DLGAP1: variants seen among roughly 807,000 people sequenced by gnomAD.
DLGAP1 encodes DLG associated protein 1.
In DLGAP1, 11 loss-of-function variants were observed where a neutral mutation model predicts 90.8. The ratio of observed to expected loss-of-function variants is 0.12; its 90% CI spans 0.08 to 0.20. The LOEUF is 0.20. Ranked by LOEUF, DLGAP1 falls within the 10% of genes least tolerant of loss-of-function variation. DLGAP1 has a pLI of 1.00. For synonymous variants in DLGAP1, 558 were observed against 540.7 expected (o/e 1.03, Z -0.44); for missense variants, 1,050 against 1,333.8 (o/e 0.79, Z 3.31).
At chr18:4,252,777 C>T (rs1352948849) in intron 1 of DLGAP1, among the ~76,000 whole-genome samples, 2 of 152,158 alleles carry the variant, frequency 1.3e-5, no homozygotes, top group Non-Finnish European at 1.5e-5. Context: ...GAGAACATTG[C>T]CCCAGATGTC....
At chr18:3,792,385 G>C (rs1360902908) in intron 5 of DLGAP1, among the ~76,000 whole-genome samples, 1 of 151,980 alleles carries the variant, frequency 6.6e-6, no homozygotes, top group Non-Finnish European at 1.5e-5. Flanking sequence ...GGGAGGCTGG[G>C]GCAGGAGAAC....
At chr18:4,085,993 C>T (rs1392096501) in intron 2 of DLGAP1, among the ~76,000 whole-genome samples, 1 of 152,086 alleles carries the variant, frequency 6.6e-6, no homozygotes, top group Non-Finnish European at 1.5e-5. Context: ...TAAATAAGAC[C>T]TAAACTGGGC....
intron 7 of DLGAP1, among the ~76,000 whole-genome samples, chr18:3,708,061 A>T (rs1248682251): frequency 2.7e-5 from 4 of 150,068 alleles, no homozygotes; most frequent in Admixed American, 2.7e-4. Context: ...GCTGGAGTGC[A>T]GTGGCGTGAC....
Position 4,452,308 on chromosome 18 carries a change from C to A in DLGAP1, c.-267+2698G>T, listed in dbSNP as rs565780409. Among the ~76,000 whole-genome samples the A allele has an allele frequency of 3.7e-3, 568 of 152,156 alleles. 3 individuals carry two copies. The highest frequency in any genetic ancestry group is 0.01 in the African/African-American group (416 of 41,540). The stretch of plus-strand genomic sequence containing the variant: ...ATATTACGAGATCAGAATCAAAACA[C>A]TGAATTCTTTGTTTCTGAAAGAGTT... On this transcript the variant is annotated intron_variant, in intron 1 of 12. Coordinates refer to ENST00000315677, the MANE Select transcript of DLGAP1 (RefSeq NM_004746.4).
intron 2 of DLGAP1, among the ~76,000 whole-genome samples, chr18:4,044,970 T>C (rs567369923): frequency 6.6e-6 from 1 of 152,154 alleles, no homozygotes; most frequent in African/African-American, 2.4e-5. Flanking sequence ...CCTCTTCCCA[T>C]AGAGGAAACA....
intron 2 of DLGAP1, among the ~76,000 whole-genome samples, chr18:4,150,123 T>C (rs2076650331): frequency 1.3e-5 from 2 of 152,226 alleles, no homozygotes; most frequent in Admixed American, 1.3e-4. Context: ...CTTCCCTGAT[T>C]CACTCTTCCT....
chr18:3,865,526 G>A (rs377583841), intron 4 of DLGAP1, among the ~76,000 whole-genome samples: 6 of 152,260 alleles, frequency 3.9e-5, no homozygotes, highest in African/African-American at 1.4e-4. Context: ...AATCATAGAA[G>A]TAGAACCTGT....
At chr18:3,875,792 C>T (rs2148817032) in intron 4 of DLGAP1, among the ~76,000 whole-genome samples, 1 of 152,208 alleles carries the variant, frequency 6.6e-6, no homozygotes, top group East Asian at 1.9e-4. Context: ...TTTGAAAATG[C>T]ATACTGAGAT....
At chr18:3,738,719 G>A (rs1231038916) in intron 6 of DLGAP1, among the ~76,000 whole-genome samples, 2 of 149,816 alleles carry the variant, frequency 1.3e-5, no homozygotes, top group Non-Finnish European at 3.0e-5. Context: ...GCATGGGCAA[G>A]GACTTCATGT....
At chr18:4,276,035 T>C (rs1424559552) in intron 1 of DLGAP1, among the ~76,000 whole-genome samples, 3 of 151,160 alleles carry the variant, frequency 2.0e-5, no homozygotes, top group Non-Finnish European at 4.4e-5. Flanking sequence ...GAGAGGACTA[T>C]ATGGGGTAGC....
chr18:4,296,173 T>A (rs1175000494), intron 1 of DLGAP1, among the ~76,000 whole-genome samples: 3 of 152,198 alleles, frequency 2.0e-5, no homozygotes, highest in African/African-American at 7.2e-5. Flanking sequence ...GTCTTAATTT[T>A]GTTAGAACTT....
At chr18:4,392,489 A>G (rs2082359140) in intron 1 of DLGAP1, among the ~76,000 whole-genome samples, 1 of 152,018 alleles carries the variant, frequency 6.6e-6, no homozygotes, top group Non-Finnish European at 1.5e-5. Context: ...ATGCTCCAAG[A>G]AAAAAAAGGA....
chr18:3,506,202 C>G (rs1395322421), intron 11 of DLGAP1, among the ~76,000 whole-genome samples: 3 of 151,440 alleles, frequency 2.0e-5, no homozygotes, highest in Non-Finnish European at 2.9e-5. Flanking sequence ...ACGCCACTGC[C>G]CTCCAGCCTG....
At chr18:3,647,689 C>T (rs2059170066) in intron 7 of DLGAP1, among the ~76,000 whole-genome samples, 1 of 152,016 alleles carries the variant, frequency 6.6e-6, no homozygotes, top group African/African-American at 2.4e-5. Context: ...TGGTCTCAAA[C>T]TCCTGACCTC....
intron 9 of DLGAP1, among the ~76,000 whole-genome samples, chr18:3,551,960 GTT>G (rs60343720): frequency 1.4e-5 from 2 of 142,890 alleles, no homozygotes; most frequent in Admixed American, 7.1e-5. Flanking sequence ...TTTTTAAATT[GTT>G]TTTTTTTTTC....
At chr18:4,407,731 A>C (rs1287203647) in intron 1 of DLGAP1, among the ~76,000 whole-genome samples, 1 of 152,020 alleles carries the variant, frequency 6.6e-6, no homozygotes, top group Non-Finnish European at 1.5e-5. Flanking sequence ...ACACACAAAA[A>C]AATTAGCTGG....
chr18:3,950,999 C>A (rs1295571417), intron 3 of DLGAP1, among the ~76,000 whole-genome samples: 1 of 152,170 alleles, frequency 6.6e-6, no homozygotes, highest in Non-Finnish European at 1.5e-5. Context: ...CCTTAAACAG[C>A]ACATGAAGGC....
intron 4 of DLGAP1, among the ~76,000 whole-genome samples, chr18:3,818,574 G>A (rs1198453532): frequency 6.6e-6 from 1 of 151,340 alleles, no homozygotes; most frequent in Non-Finnish European, 1.5e-5. Context: ...TGGCCAGGCT[G>A]CTCTTGAACA....
intron 3 of DLGAP1, among the ~76,000 whole-genome samples, chr18:3,909,526 G>A (rs547677935): frequency 1.3e-5 from 2 of 152,234 alleles, no homozygotes; most frequent in Admixed American, 1.3e-4. Context: ...ATTGATTAGG[G>A]TTCTTTTCTT....
Sources: allele counts gnomAD v4.1 joint callset (sites outside exome capture counted in the v4.1 genomes callset), GRCh38; gene constraint gnomAD v4.1.1; transcripts MANE v1.5; gene names NCBI Gene and HGNC (gene_info 2026-07-23, HGNC 2026-07-21).